CELF4: variants seen among roughly 807,000 people sequenced by gnomAD.
The protein encoded by CELF4 is CUG-BP- and ETR-3-like factor 4.
In CELF4, 18 loss-of-function variants were observed where a neutral mutation model predicts 59.9. The observed-to-expected ratio is 0.30, with a 90% CI of 0.21 to 0.45. CELF4 has a LOEUF of 0.45. CELF4 is among the 20% of genes least tolerant of loss of function. The pLI, the probability that CELF4 is intolerant of heterozygous loss-of-function variation, is 1.00. For missense variants in CELF4, 456 were observed against 689.0 expected (o/e 0.66, Z 3.79); for synonymous variants, 261 against 267.1 (o/e 0.98, Z 0.22).
intron 1 of CELF4, among the ~76,000 whole-genome samples, chr18:37,524,149 T>C (rs1171210697): frequency 1.3e-5 from 2 of 152,178 alleles, no homozygotes; most frequent in Non-Finnish European, 2.9e-5. Flanking sequence ...TGTTAGTTCT[T>C]CTCCCCGCCT....
intron 3 of CELF4, among the ~76,000 whole-genome samples, chr18:37,308,358 G>A (rs997820066): frequency 1.3e-5 from 2 of 152,152 alleles, no homozygotes; most frequent in Non-Finnish European, 2.9e-5. Flanking sequence ...TTAAGCCATG[G>A]CTTCTGCATT....
intron 2 of CELF4, among the ~76,000 whole-genome samples, chr18:37,476,361 G>A (rs1280909241): frequency 6.6e-6 from 1 of 152,204 alleles, no homozygotes; most frequent in Non-Finnish European, 1.5e-5. Flanking sequence ...TCAGCCACCA[G>A]AAGGGGATGC....
At chr18:37,267,006 C>T (rs1227897356) in intron 8 of CELF4, among the ~76,000 whole-genome samples, 3 of 152,098 alleles carry the variant, frequency 2.0e-5, no homozygotes, top group Non-Finnish European at 4.4e-5. Flanking sequence ...GCTGGCAGCC[C>T]CCAGTGGGTG....
chr18:37,549,047 C>T (rs1324718055), intron 1 of CELF4, among the ~76,000 whole-genome samples: 2 of 152,320 alleles, frequency 1.3e-5, no homozygotes, highest in South Asian at 4.1e-4. Context: ...AGAGGGGTGA[C>T]TGGTGAAGCG....
intron 11 of CELF4, among the ~76,000 whole-genome samples, chr18:37,256,169 A>T (rs1307173878): frequency 6.6e-6 from 1 of 152,030 alleles, no homozygotes; most frequent in Non-Finnish European, 1.5e-5. Flanking sequence ...CCCTCCTCCT[A>T]TCCTCAGAAG....
At chr18:37,470,782 C>T (rs1183164737) in intron 2 of CELF4, among the ~76,000 whole-genome samples, 1 of 148,898 alleles carries the variant, frequency 6.7e-6, no homozygotes, top group Non-Finnish European at 1.5e-5. Context: ...GTGAAATCAC[C>T]CAGGGAGCAT....
chr18:37,481,764 C>G (rs998314210), intron 2 of CELF4, among the ~76,000 whole-genome samples: 19 of 152,222 alleles, frequency 1.2e-4, no homozygotes, highest in Non-Finnish European at 2.2e-4. Context: ...CACTCCTGCA[C>G]TCCATGGTCA....
chr18:37,413,468 A>G (rs1183164251), intron 2 of CELF4, among the ~76,000 whole-genome samples: 2 of 152,182 alleles, frequency 1.3e-5, no homozygotes, highest in East Asian at 3.9e-4. Context: ...GTTTGTACAG[A>G]GGGCCTGAAA....
intron 2 of CELF4, among the ~76,000 whole-genome samples, chr18:37,444,652 A>ACACACACACACACACACGCG (rs71168259): frequency 1.5e-4 from 22 of 144,082 alleles, no homozygotes; most frequent in African/African-American, 5.7e-4. Context: ...ACACACACAC[A>ACACACACACACACACACGCG]CGCGAACGAT....
At chr18:37,446,572 T>TA (rs1361353116) in intron 2 of CELF4, among the ~76,000 whole-genome samples, 1 of 152,202 alleles carries the variant, frequency 6.6e-6, no homozygotes, top group African/African-American at 2.4e-5. Flanking sequence ...TGTGTAGGGT[T>TA]AAATGAGAGT....
chr18:37,426,872 A>C (rs1468150426), intron 2 of CELF4, among the ~76,000 whole-genome samples: 1 of 152,024 alleles, frequency 6.6e-6, no homozygotes, highest in Non-Finnish European at 1.5e-5. Flanking sequence ...CTGCTTCTTT[A>C]ATCCCCATGG....
At chr18:37,299,009 C>A (rs1224224918) in intron 3 of CELF4, among the ~76,000 whole-genome samples, 1 of 152,224 alleles carries the variant, frequency 6.6e-6, no homozygotes, top group African/African-American at 2.4e-5. Context: ...TTCTGTGGAA[C>A]AATTCAATGG....
intron 1 of CELF4, among the ~76,000 whole-genome samples, chr18:37,545,445 C>G (rs1334321754): frequency 6.6e-6 from 1 of 152,146 alleles, no homozygotes; most frequent in East Asian, 1.9e-4. Context: ...CCAGGGGGCC[C>G]AGAGATGAGG....
chr18:37,272,936 G>A, intron 7 of CELF4, 80 bp downstream of exon 7: 3 of 1,397,414 alleles, frequency 2.1e-6, no homozygotes, highest in Non-Finnish European at 3.0e-6. Context: ...ATGGTCCGCT[G>A]GTAGCTGAAA....
chr18:37,291,809 A>T (rs998582146), intron 3 of CELF4, among the ~76,000 whole-genome samples: 1 of 151,940 alleles, frequency 6.6e-6, no homozygotes, highest in Non-Finnish European at 1.5e-5. Flanking sequence ...ACTCTACTAT[A>T]CCCATAATCA....
intron 2 of CELF4, among the ~76,000 whole-genome samples, chr18:37,372,496 G>A (rs550150932): frequency 9.2e-5 from 14 of 152,290 alleles, no homozygotes; most frequent in African/African-American, 3.4e-4. Flanking sequence ...TGGGGTGGAG[G>A]CGGGAAGGAT....
intron 7 of CELF4, among the ~76,000 whole-genome samples, chr18:37,272,437 TTCAA>T (rs376904320): frequency 1.3e-5 from 2 of 152,140 alleles, no homozygotes; most frequent in African/African-American, 4.8e-5. Context: ...ATAGCCAAGA[TTCAA>T]TCAAAAACAT....
At chr18:37,262,963 G>A (rs1221409867) in intron 10 of CELF4, among the ~76,000 whole-genome samples, 1 of 152,188 alleles carries the variant, frequency 6.6e-6, no homozygotes, top group Non-Finnish European at 1.5e-5. Context: ...GCTTTCCTGG[G>A]CATGGGAAGC....
intron 2 of CELF4, among the ~76,000 whole-genome samples, chr18:37,334,395 C>T (rs2097686989): frequency 6.6e-6 from 1 of 152,178 alleles, no homozygotes; most frequent in South Asian, 2.1e-4. Context: ...TCACAACCAT[C>T]TAGGAGCCCT....
Sources: gnomAD v4.1 joint callset for allele counts (sites outside exome capture counted in the v4.1 genomes callset) on GRCh38, gnomAD v4.1.1 for gene constraint, MANE v1.5 for transcripts, NCBI Gene and HGNC (gene_info 2026-07-23, HGNC 2026-07-21) for gene names.